The following CSMD1 variants were observed in gnomAD, a reference collection of about 807,000 sequenced individuals.
The protein encoded by CSMD1 is CUB and Sushi multiple domains 1.
A neutral mutation model predicts 417.5 loss-of-function variants in CSMD1; 213 were observed. That is an observed-to-expected ratio of 0.51 (90% confidence interval 0.46 to 0.57). The LOEUF is 0.57. Among genes scored for constraint, CSMD1 ranks in the 20% least tolerant of loss-of-function variants. The probability of loss-of-function intolerance (pLI) is 0.00; values close to 1 mark genes in which losing one functional copy is unlikely to be tolerated. For synonymous variants in CSMD1, 2,862 were observed against 1,736.8 expected (o/e 1.65, Z -16.11); for missense variants, 6,923 against 4,529.7 (o/e 1.53, Z -15.17).
At chr8:4,038,896 C>A (rs745433843) in intron 3 of CSMD1, among the ~76,000 whole-genome samples, 2 of 152,106 alleles carry the variant, frequency 1.3e-5, no homozygotes, top group African/African-American at 4.8e-5. Context: ...AATATGCACA[C>A]GAAAATTCCC....
intron 5 of CSMD1, among the ~76,000 whole-genome samples, chr8:3,920,087 G>C (rs1056918188): frequency 6.6e-6 from 1 of 151,698 alleles, no homozygotes; most frequent in African/African-American, 2.4e-5. Flanking sequence ...TGGCTAGACT[G>C]CAGTGGTGCA....
chr8:3,899,337 T>C (rs1462090715), intron 5 of CSMD1, among the ~76,000 whole-genome samples: 1 of 152,162 alleles, frequency 6.6e-6, no homozygotes, highest in Non-Finnish European at 1.5e-5. Context: ...AGAGCAGGTG[T>C]GAGTTTGCTG....
chr8:4,710,601 T>C (rs1678365179), intron 1 of CSMD1, among the ~76,000 whole-genome samples: 1 of 151,204 alleles, frequency 6.6e-6, no homozygotes, highest in Admixed American at 6.6e-5. Flanking sequence ...ATCCCAGCAC[T>C]TTGGGAGACT....
intron 2 of CSMD1, among the ~76,000 whole-genome samples, chr8:4,449,943 A>G (rs188125600): frequency 3.3e-5 from 5 of 152,228 alleles, no homozygotes; most frequent in East Asian, 3.9e-4. Context: ...AAGATGCTCA[A>G]TTTTGCTCTT....
intron 3 of CSMD1, among the ~76,000 whole-genome samples, chr8:4,265,327 A>G (rs1190986442): frequency 6.6e-6 from 1 of 151,994 alleles, no homozygotes; most frequent in Non-Finnish European, 1.5e-5. Context: ...GAAAAATTCT[A>G]TCAGCATTTT....
At chr8:4,180,801 C>G (rs191452950) in intron 3 of CSMD1, among the ~76,000 whole-genome samples, 1 of 151,896 alleles carries the variant, frequency 6.6e-6, no homozygotes, top group Non-Finnish European at 1.5e-5. Flanking sequence ...GTCTTTGGTA[C>G]AAGAGTTCAC....
At chr8:2,973,662 GGGA>G (rs1351895160) in intron 56 of CSMD1, among the ~76,000 whole-genome samples, 8 of 130,050 alleles carry the variant, frequency 6.2e-5, no homozygotes, top group African/African-American at 2.4e-4. Context: ...AGGGAATGTG[GGGA>G]AAAAAAAAAA....
At chr8:2,955,121 T>C (rs1802909242) in intron 64 of CSMD1, among the ~76,000 whole-genome samples, 1 of 152,244 alleles carries the variant, frequency 6.6e-6, no homozygotes, top group East Asian at 1.9e-4. Context: ...AGAATCAATG[T>C]CAGGGACACA....
intron 2 of CSMD1, among the ~76,000 whole-genome samples, chr8:4,537,199 A>G (rs916884784): frequency 2.0e-5 from 3 of 152,198 alleles, no homozygotes. Context: ...ATCAGCATTA[A>G]AGGGAAATAT....
intron 2 of CSMD1, among the ~76,000 whole-genome samples, chr8:4,441,133 C>G (rs1292365326): frequency 1.9e-4 from 4 of 21,128 alleles, no homozygotes; most frequent in East Asian, 3.5e-3. Flanking sequence ...GATAGGGTCT[C>G]TGTCACCTAA....
chr8:4,308,260 G>T (rs980514384), intron 3 of CSMD1, among the ~76,000 whole-genome samples: 1 of 152,078 alleles, frequency 6.6e-6, no homozygotes, highest in Non-Finnish European at 1.5e-5. Context: ...TTATGTGTGT[G>T]TGTGTCTGTT....
chr8:4,767,219 A>T (rs530061306), intron 1 of CSMD1, among the ~76,000 whole-genome samples: 7 of 152,338 alleles, frequency 4.6e-5, no homozygotes, highest in Non-Finnish European at 1.0e-4. Flanking sequence ...TTGCAGATGT[A>T]CACTGTCGAG....
At chr8:3,881,183 G>A (rs1206605946) in intron 5 of CSMD1, among the ~76,000 whole-genome samples, 1 of 151,742 alleles carries the variant, frequency 6.6e-6, no homozygotes, top group South Asian at 2.1e-4. Flanking sequence ...TTTAAAGATG[G>A]CAATTCTCTA....
chr8:3,679,081 G>A (rs920575402), intron 7 of CSMD1, among the ~76,000 whole-genome samples: 15 of 152,196 alleles, frequency 9.9e-5, no homozygotes, highest in South Asian at 8.3e-4. Flanking sequence ...GCAAAAACAT[G>A]CCAAATTGTA....
At chr8:4,378,495 T>C (rs973680259) in intron 3 of CSMD1, among the ~76,000 whole-genome samples, 3 of 152,068 alleles carry the variant, frequency 2.0e-5, no homozygotes, top group Non-Finnish European at 2.9e-5. Flanking sequence ...CCTTTATCTC[T>C]CTCTCTCTCT....
intron 3 of CSMD1, among the ~76,000 whole-genome samples, chr8:4,096,878 C>A (rs1473856873): frequency 6.6e-6 from 1 of 152,134 alleles, no homozygotes; most frequent in African/African-American, 2.4e-5. Flanking sequence ...AGCCATCTTG[C>A]AATTTTAAAG....
chr8:3,557,268 C>T (rs189715464), intron 10 of CSMD1, among the ~76,000 whole-genome samples: 107 of 152,270 alleles, frequency 7.0e-4, no homozygotes, highest in African/African-American at 1.8e-3. Context: ...TTGTGGGATT[C>T]GTGGCTTGGA....
chr8:4,972,823 T>A (rs1372262749), intron 1 of CSMD1, among the ~76,000 whole-genome samples: 1 of 152,178 alleles, frequency 6.6e-6, no homozygotes, highest in Non-Finnish European at 1.5e-5. Context: ...TTGCTCTATT[T>A]CCTGAATATT....
chr8:3,967,502 C>A (rs767563888), intron 5 of CSMD1, among the ~76,000 whole-genome samples: 1 of 151,526 alleles, frequency 6.6e-6, no homozygotes, highest in African/African-American at 2.4e-5. Context: ...ACATGTGTTG[C>A]GGACTTGGAT....
Sources: gnomAD v4.1 joint callset for allele counts (sites outside exome capture counted in the v4.1 genomes callset) on GRCh38, gnomAD v4.1.1 for gene constraint, MANE v1.5 for transcripts, NCBI Gene and HGNC (gene_info 2026-07-23, HGNC 2026-07-21) for gene names.